Variants in ZNF407 observed in about 807,000 individuals in gnomAD.
The protein encoded by ZNF407 is zinc finger protein 407.
A neutral mutation model predicts 131.2 loss-of-function variants in ZNF407; 17 were observed. That is an observed-to-expected ratio of 0.13 (90% CI 0.09 to 0.19). The LOEUF (loss-of-function observed/expected upper bound fraction) is 0.19, where lower values mean the gene tolerates loss of function less well. Among genes scored for constraint, ZNF407 ranks in the 10% least tolerant of loss-of-function variants. The pLI, the probability that ZNF407 is intolerant of heterozygous loss-of-function variation, is 1.00. For synonymous variants in ZNF407, 1,156 were observed against 1,062.0 expected (o/e 1.09, Z -1.72); for missense variants, 2,681 against 2,830.6 (o/e 0.95, Z 1.20).
At chr18:74,668,174 G>C (rs186039970) in intron 3 of ZNF407, among the ~76,000 whole-genome samples, 1 of 152,094 alleles carries the variant, frequency 6.6e-6, no homozygotes, top group African/African-American at 2.4e-5. Flanking sequence ...CGCTGGACTG[G>C]TTGCAGTCCA....
At chr18:74,822,481 A>AT (rs1970354360) in intron 4 of ZNF407, among the ~76,000 whole-genome samples, 1 of 152,184 alleles carries the variant, frequency 6.6e-6, no homozygotes, top group Non-Finnish European at 1.5e-5. Flanking sequence ...TTTTCTGCAT[A>AT]TGGCTAGCCA....
rs1599087412 is a variant in ZNF407, at chr18:74,708,804, G to A, written c.4802+67682G>A. Among the ~76,000 whole-genome samples the A allele has an allele frequency of 2.6e-5, 4 of 152,336 alleles. 1 individual carries two copies. The South Asian group carries it at 8.3e-4, about 32-fold the overall frequency. The stretch of plus-strand genomic sequence containing the variant: ...GATTTACATGTGTGCTAATTAGAGT[G>A]GAATAAATGATTGGCTGTTTGCTGC... On this transcript the variant is annotated intron_variant, in intron 3 of 8. Coordinates refer to ENST00000299687, the MANE Select transcript of ZNF407 (RefSeq NM_017757.3).
At chr18:74,624,381 A>G (rs1983697728) in intron 1 of ZNF407, among the ~76,000 whole-genome samples, 1 of 152,186 alleles carries the variant, frequency 6.6e-6, no homozygotes, top group South Asian at 2.1e-4. Flanking sequence ...ACTAAAAACA[A>G]CTTTTACATC....
chr18:74,691,032 AC>A (rs1285658068), intron 3 of ZNF407, among the ~76,000 whole-genome samples: 1 of 152,206 alleles, frequency 6.6e-6, no homozygotes, highest in Non-Finnish European at 1.5e-5. Context: ...TAATCCCAGC[AC>A]TTTGGGAGGC....
Position 74,922,178 on chromosome 18 carries a change from G to A in ZNF407, c.5428+1486G>A, listed in dbSNP as rs1296532879. Among the ~76,000 whole-genome samples the A allele has an allele frequency of 4.6e-5, 7 of 152,178 alleles. No individual in the cohort carries two copies. The South Asian group carries it at 1.2e-3, about 27-fold the overall frequency. On this transcript the variant is annotated intron_variant, in intron 8 of 8. Coordinates refer to ENST00000299687, the MANE Select transcript of ZNF407 (RefSeq NM_017757.3). ...TTAGTTCATAAAAACAGATAAAGTC[G>A]AGTTGAAATATCTCTGGCCATAAGT...
chr18:75,036,309 G>A (rs1285500808), intron 8 of ZNF407, among the ~76,000 whole-genome samples: 1 of 151,474 alleles, frequency 6.6e-6, no homozygotes, highest in African/African-American at 2.4e-5. Context: ...GATGTTCACA[G>A]GGAAAAAAAA....
intron 3 of ZNF407, among the ~76,000 whole-genome samples, chr18:74,677,311 G>A (rs762106308): frequency 1.8e-4 from 28 of 152,130 alleles, no homozygotes; most frequent in South Asian, 4.1e-4. Context: ...GGCCGGTCTC[G>A]AACTCCTGAC....
At chr18:74,708,220 G>C (rs1181041597) in intron 3 of ZNF407, among the ~76,000 whole-genome samples, 2 of 152,122 alleles carry the variant, frequency 1.3e-5, no homozygotes, top group Non-Finnish European at 2.9e-5. Flanking sequence ...TACTGCTTTT[G>C]GTAGTTTGGT....
chr18:74,611,555 T>C (rs1443960246), intron 1 of ZNF407, among the ~76,000 whole-genome samples: 1 of 152,206 alleles, frequency 6.6e-6, no homozygotes, highest in African/African-American at 2.4e-5. Context: ...ATGTATAGTT[T>C]CTTACACATT....
At chr18:74,786,545 A>G (rs1279387307) in intron 4 of ZNF407, among the ~76,000 whole-genome samples, 1 of 151,744 alleles carries the variant, frequency 6.6e-6, no homozygotes, top group East Asian at 1.9e-4. Context: ...ACCTTAGAAC[A>G]TATTTACACA....
chr18:74,621,226 TG>T (rs1156519590), intron 1 of ZNF407, among the ~76,000 whole-genome samples: 14 of 152,166 alleles, frequency 9.2e-5, no homozygotes, highest in African/African-American at 3.1e-4. Context: ...ATTTGTAAAA[TG>T]GGGTATTCAT....
chr18:74,755,947 G>T (rs949591433), intron 3 of ZNF407, among the ~76,000 whole-genome samples: 4 of 124,840 alleles, frequency 3.2e-5, no homozygotes, highest in African/African-American at 1.3e-4. Flanking sequence ...AGGCTGGAGT[G>T]CAGTGGCCCT....
intron 8 of ZNF407, among the ~76,000 whole-genome samples, chr18:75,011,533 C>A (rs994114907): frequency 1.8e-4 from 28 of 152,182 alleles, no homozygotes; most frequent in African/African-American, 6.3e-4. Flanking sequence ...TAAAAAAAAT[C>A]TTTGCTTACA....
At chr18:74,951,258 A>G (rs1237091554) in intron 8 of ZNF407, among the ~76,000 whole-genome samples, 1 of 152,248 alleles carries the variant, frequency 6.6e-6, no homozygotes, top group East Asian at 1.9e-4. Context: ...ACTTGTAAAC[A>G]GTGGAAATCC....
chr18:74,984,457 A>G (rs1972629378), intron 8 of ZNF407, among the ~76,000 whole-genome samples: 1 of 152,328 alleles, frequency 6.6e-6, no homozygotes, highest in Middle Eastern at 3.4e-3. Context: ...TTTATGTCCA[A>G]TTTTTAATTC....
intron 3 of ZNF407, among the ~76,000 whole-genome samples, chr18:74,679,408 G>A (rs1966929799): frequency 6.6e-6 from 1 of 152,192 alleles, no homozygotes; most frequent in Admixed American, 6.5e-5. Context: ...GCAAGTGTAT[G>A]CTTCTGTACG....
At chr18:74,599,331 G>T (rs1486904624) in intron 1 of ZNF407, among the ~76,000 whole-genome samples, 1 of 151,752 alleles carries the variant, frequency 6.6e-6, no homozygotes, top group Admixed American at 6.6e-5. Context: ...ACTTTATTTC[G>T]GAATAAATTA....
intron 1 of ZNF407, among the ~76,000 whole-genome samples, chr18:74,607,134 G>A (rs1336420998): frequency 6.6e-6 from 1 of 152,330 alleles, no homozygotes; most frequent in African/African-American, 2.4e-5. Flanking sequence ...ATTCATGGCT[G>A]GTCTTTTTGC....
chr18:74,704,394 C>A (rs1441031348), intron 3 of ZNF407, among the ~76,000 whole-genome samples: 1 of 152,002 alleles, frequency 6.6e-6, no homozygotes. Context: ...AATACAGGTA[C>A]AACGGGGAAA....
Sources: allele counts gnomAD v4.1 joint callset (sites outside exome capture counted in the v4.1 genomes callset), GRCh38; gene constraint gnomAD v4.1.1; transcripts MANE v1.5; gene names NCBI Gene and HGNC (gene_info 2026-07-23, HGNC 2026-07-21).